DCST2: variants seen among roughly 807,000 people sequenced by gnomAD.
DCST2 encodes the protein DC-STAMP domain containing 2, also known as DC-STAMP domain-containing protein 2.
Under a neutral mutation model 81.8 loss-of-function variants are expected in DCST2, and 64 were observed. The observed-to-expected ratio is 0.78, with a 90% confidence interval of 0.64 to 0.96. The LOEUF (loss-of-function observed/expected upper bound fraction) is 0.96. Ranked by LOEUF, DCST2 falls within the 40% of genes least tolerant of loss-of-function variation. The pLI, the probability that DCST2 is intolerant of heterozygous loss-of-function variation, is 0.00. For missense variants in DCST2, 945 were observed against 1,001.4 expected (o/e 0.94, Z 0.76); for synonymous variants, 354 against 402.6 (o/e 0.88, Z 1.44).
chr1:155,023,702 A>C (rs1325545249), intron 12 of DCST2, 130 bp downstream of exon 12: 1 of 1,571,326 alleles, frequency 6.4e-7, no homozygotes, highest in Non-Finnish European at 8.6e-7. Flanking sequence ...GAGAACGTGC[A>C]TAGTAATGAA....
chr1:155,026,219 G>T, intron 10 of DCST2, 83 bp downstream of exon 10: 1 of 1,354,752 alleles, frequency 7.4e-7, no homozygotes, highest in Admixed American at 1.9e-5. Flanking sequence ...AAGGAAGTCA[G>T]CTCCCAAAGC....
At chr1:155,031,539 G>A (rs774344310) in intron 4 of DCST2, 35 bp downstream of exon 4, 9 of 346,892 alleles carry the variant, frequency 2.6e-5, no homozygotes, top group East Asian at 1.1e-4. Context: ...ACCCCACATC[G>A]GCTCCTCCCC....
intron 2 of DCST2, 119 bp downstream of exon 2, chr1:155,032,975 A>G (rs1660144654): frequency 3.3e-6 from 4 of 1,221,028 alleles, no homozygotes; most frequent in Non-Finnish European, 4.5e-6. Flanking sequence ...AGTCCCTTCC[A>G]GGCCCAGATG....
rs1289633005 is a variant in DCST2, at chr1:155,024,493, G to A, written c.1721C>T (p.Ala574Val). 1 of 1,606,642 alleles carries A rather than the reference G, an allele frequency of 6.2e-7. No homozygotes were observed. The highest frequency in any genetic ancestry group is 8.5e-7 in the Non-Finnish European group (1 of 1,176,364). Residue 574 changes from alanine to valine, a missense_variant, in exon 11 of 15, where the codon GCC (alanine) becomes GTC (valine). Physicochemically the swap from Ala to Val is moderately conservative, Grantham distance 64. Transcript: ENST00000368424. ...TCACCGACTGGCCAGCACTAGGAAG[G>A]CACTTCTGTGGCCCTGGTCAGCCGC... The part of the protein sequence containing the change: ...RRAADQGHRS[A>V]FLVLASRCPC...
intron 10 of DCST2, 146 bp from the exon 11 acceptor site, chr1:155,024,748 A>G: frequency 2.1e-6 from 2 of 950,566 alleles, no homozygotes; most frequent in South Asian, 6.6e-5. Context: ...TCCTCTGGGA[A>G]GTCTTCTGGA....
At chr1:155,032,594 G>C in intron 3 of DCST2, 73 bp downstream of exon 3, 1 of 1,321,858 alleles carries the variant, frequency 7.6e-7, no homozygotes, top group Admixed American at 1.7e-5. Flanking sequence ...TGGGATTACA[G>C]GCATGAGCCA....
At chr1:155,031,511 A>AC in intron 4 of DCST2, 63 bp downstream of exon 4, 249 of 898,598 alleles carry the variant, frequency 2.8e-4, no homozygotes, top group South Asian at 6.9e-4. Context: ...ACTGACCCCC[A>AC]CATTCCCACC....
chr1:155,031,257 T>G (rs1350399552), intron 4 of DCST2, 23 bp from the exon 5 acceptor site: 15 of 1,553,620 alleles, frequency 9.7e-6, no homozygotes, highest in Non-Finnish European at 1.3e-5. Flanking sequence ...GTCGGCTGAG[T>G]GTCGGAAGGA....
intron 4 of DCST2, 128 bp from the exon 5 acceptor site, chr1:155,031,362 T>C: frequency 9.1e-7 from 1 of 1,096,784 alleles, no homozygotes; most frequent in South Asian, 1.6e-5. Flanking sequence ...GCTCAAAACC[T>C]TGTAGCACCT....
Position 155,032,734 on chromosome 1 carries a change from C to A in DCST2, c.474G>T (p.Lys158Asn). The A allele has an allele frequency of 6.2e-7, 1 of 1,614,186 alleles. No homozygotes were observed. The highest frequency in any genetic ancestry group is 1.1e-5 in the South Asian group (1 of 91,068). Residue 158 changes from lysine (K) to asparagine (N), a missense_variant, in exon 3 of 15, where the codon AAG (lysine) becomes AAT (asparagine). By Grantham distance (94) the Lys-to-Asn change is moderately conservative. Transcript: ENST00000368424. ...ALNKIKAIAR[K>N]TKEVADRVRK... Reference sequence around the variant, plus strand: ...GGACCCGGTCAGCCACCTCTTTGGTCTTCCGGGCAATAGCTTTAATCTTGT... The same window carrying A: ...GGACCCGGTCAGCCACCTCTTTGGTATTCCGGGCAATAGCTTTAATCTTGT...
intron 8 of DCST2, 78 bp downstream of exon 8, chr1:155,029,155 G>T: frequency 6.5e-7 from 1 of 1,534,562 alleles, no homozygotes; most frequent in African/African-American, 1.4e-5. Flanking sequence ...GAAGGCTTGG[G>T]AGCAGGCGGG....
intron 3 of DCST2, 120 bp downstream of exon 3, chr1:155,032,547 G>C (rs1660126661): frequency 2.9e-5 from 21 of 731,704 alleles, no homozygotes; most frequent in Middle Eastern, 4.0e-4. Context: ...AAACTCCTGG[G>C]CTCAAGTGAT....
chr1:155,031,217 C>A lies in DCST2; in HGVS notation c.757G>T (p.Val253Phe). Reference protein sequence around the residue: ...GLASLVQVFCVIPKYIQPFLR... With the variant: ...GLASLVQVFCFIPKYIQPFLR... ...AAGGGTTGAATGTACTTAGGGATGACGCAGAACACCTGGACCACTGAGGGG... is the reference window on the plus strand; with the variant it reads ...AAGGGTTGAATGTACTTAGGGATGAAGCAGAACACCTGGACCACTGAGGGG... The change falls in exon 5 of 15, where the codon GTC becomes TTC. Residue 253 changes from valine to phenylalanine, a missense_variant. Val to Phe is a conservative substitution (Grantham distance 50, BLOSUM62 -1). Coordinates refer to ENST00000368424, the MANE Select transcript of DCST2 (RefSeq NM_144622.3). The A allele has an allele frequency of 6.3e-7, 1 of 1,587,326 alleles. No individual in the cohort carries two copies. Among genetic ancestry groups the A allele is most frequent in the Admixed American group, 1.9e-5 (1 of 53,306 alleles).
chr1:155,029,435 G>A, intron 7 of DCST2, 38 bp from the exon 8 acceptor site: 3 of 1,601,698 alleles, frequency 1.9e-6, no homozygotes, highest in Non-Finnish European at 2.6e-6. Context: ...ATGCTCCCCA[G>A]TTCTCCCGTC....
rs376562403 is a variant in DCST2, at chr1:155,018,679, A to C, written c.2187T>G (p.Ile729Met). The change falls in exon 15 of 15, where the codon ATT becomes ATG. Residue 729 changes from isoleucine to methionine, a missense_variant. Physicochemically the swap from Ile to Met is conservative, Grantham distance 10 (BLOSUM62 1). Coordinates refer to ENST00000368424, the MANE Select transcript of DCST2 (RefSeq NM_144622.3). ...GTCTGTGGGGCTCAGGGCTGGTGAG[A>C]ATGCTGACAGGCTGATGGGCTTCAG... ...PLPEAHQPVS[I>M]LTSPEPHRPP... is the part of the protein sequence containing the mutation. The C allele has an allele frequency of 8.1e-6, 13 of 1,613,634 alleles. No homozygotes were observed. Among genetic ancestry groups the C allele is most frequent in the African/African-American group, 1.3e-5 (1 of 74,772 alleles).
intron 10 of DCST2, among the ~76,000 whole-genome samples, 166 bp downstream of exon 10, chr1:155,026,136 T>G (rs981736472): frequency 6.6e-6 from 1 of 151,764 alleles, no homozygotes; most frequent in African/African-American, 2.4e-5. Flanking sequence ...CAGCCCCATC[T>G]TGGGTCCAGA....
At position 155,023,357 on chromosome 1, in the gene DCST2, G is replaced by T; in HGVS notation, c.1964+7C>A. On this transcript the variant is annotated splice_region_variant and intron_variant, in intron 13 of 14. Transcript: ENST00000368424. ...CTCCAGCCACCCCATGTCACTGAAA[G>T]ACTCACAGCTCCAGGTCCAGGTCCC... The T allele has an allele frequency of 1.2e-6, 2 of 1,609,252 alleles. No individual in the cohort carries two copies. Among genetic ancestry groups the T allele is most frequent in the Non-Finnish European group, 8.5e-7 (1 of 1,177,772 alleles).
chr1:155,023,420 A>G lies in DCST2; in HGVS notation c.1908T>C (p.Asn636=), dbSNP rs202182731. ...GGGGAGATGCACACACGGAGCAGGT[A>G]TTGTCCAGGAGGCGGAAGCAAGTGA... is the stretch of plus-strand genomic sequence containing the variant. ...YCLTCFRLLD[N]TCSVCASPLS... is the part of the protein sequence containing the mutation. Residue 636 remains asparagine, a synonymous_variant, in exon 13 of 15, where the codon AAT becomes AAC. Transcript: ENST00000368424. The G allele has an allele frequency of 2.1e-5, 34 of 1,605,810 alleles. 1 individual carries two copies. The East Asian group carries it at 4.0e-4, about 19-fold the overall frequency.
rs542278899 is a variant in DCST2, at chr1:155,029,400, G to A, written c.1178-3C>T. The A allele has an allele frequency of 5.0e-6, 8 of 1,613,490 alleles. No individual in the cohort carries two copies. In the South Asian group the frequency reaches 7.7e-5, roughly 16 times the overall value. On this transcript the variant is annotated splice_region_variant and splice_polypyrimidine_tract_variant and intron_variant, in intron 7 of 14. Transcript: ENST00000368424. The stretch of plus-strand genomic sequence containing the variant: ...CCATTGGGACAAGAAGATGGAGCCT[G>A]AGCAGGAGTGGGATGGTCAGGAGGA...
Sources: gnomAD v4.1 joint callset for allele counts (sites outside exome capture counted in the v4.1 genomes callset) on GRCh38, gnomAD v4.1.1 for gene constraint, MANE v1.5 for transcripts, NCBI Gene and HGNC (gene_info 2026-07-23, HGNC 2026-07-21) for gene names.